Variants in SPIRE2 observed in about 807,000 individuals in gnomAD.
SPIRE2 encodes protein spire homolog 2.
SPIRE2 carries 76 observed loss-of-function variants against 80.7 expected under a neutral mutation model. That is an observed-to-expected ratio of 0.94 (90% CI 0.78 to 1.14). The LOEUF is 1.14. SPIRE2 is among the 50% of genes most tolerant of loss of function. SPIRE2 has a pLI of 0.00. For synonymous variants in SPIRE2, 535 were observed against 432.6 expected, an observed-to-expected ratio of 1.24 and a Z score of -2.94; for missense variants, 1,196 against 1,015.3, an observed-to-expected ratio of 1.18 and a Z score of -2.42.
chr16:89,862,033 T>C (rs990238667), intron 10 of SPIRE2: 2 of 149,834 alleles, frequency 1.3e-5, no homozygotes, highest in African/African-American at 5.0e-5. Context: ...GACAAGAGTC[T>C]GGCTCTGTCG....
At position 89,828,555 on chromosome 16, in the gene SPIRE2, C is replaced by G; in HGVS notation, c.5C>G (p.Ala2Gly). 13 of 1,125,430 alleles carry G rather than the reference C, an allele frequency of 1.2e-5. No homozygotes were observed. The highest frequency in any genetic ancestry group is 1.4e-5 in the Non-Finnish European group (13 of 924,296). The allele number at this position is 1,125,430 out of a possible 1,614,324, so 69.7% of individuals were successfully genotyped here. A position where few individuals can be genotyped will look rare whatever the true frequency, so the allele number is the denominator to read the frequency against. Residue 2 changes from alanine (A) to glycine (G), a missense_variant, in exon 1 of 15, where the codon GCC becomes GGC. By Grantham distance (60) the Ala-to-Gly change is moderately conservative (BLOSUM62 0). Coordinates refer to ENST00000378247, the MANE Select transcript of SPIRE2 (RefSeq NM_032451.2). The surrounding 1 kb of genome is among the most constrained non-coding windows in gnomAD (Gnocchi z 5.9). The part of the protein sequence containing the change: M[A>G]RAGSCGGAAA... ...GGAGGCGATGACGGCCCCGCCATGG[C>G]CCGGGCGGGCAGCTGCGGCGGCGCC...
rs1179428409 is a variant in SPIRE2 at position 89,869,051 on chromosome 16, A to AT, written c.1807-516_1807-515insT. On this transcript the variant is annotated intron_variant, in intron 13 of 14. Transcript: ENST00000378247. ...TGTCTTAAAAAAAAAAAAAAAAAAA[A>AT]AAATATATATATATATATATATATG... 2.3e-3 allele frequency among the ~76,000 whole-genome samples: 71 copies of AT among 30,510 alleles called. 1 individual carries two copies. The highest frequency in any genetic ancestry group is 6.6e-3 in the South Asian group (5 of 756). The allele number at this position is 30,510 out of a possible 152,430, so 20.0% of individuals were successfully genotyped here. A position where few individuals can be genotyped will look rare whatever the true frequency, so the allele number is the denominator to read the frequency against.
chr16:89,836,435 T>C (rs1362450447), intron 1 of SPIRE2: 1 of 330,178 alleles, frequency 3.0e-6, no homozygotes, highest in Admixed American at 3.8e-5. Flanking sequence ...TGTCTCCAGG[T>C]ATTTCCTTGC....
rs757693699 is a variant in SPIRE2, at chr16:89,858,502, T to C, written c.1267T>C (p.Ser423Pro). ...TLAEMEEMNT[S>P]EEEESPCGEV... ...GGCTGAAATGGAAGAGATGAATACATCTGAGGTCAGAACCCATGGGGATTC... is the reference window on the plus strand; with the variant it reads ...GGCTGAAATGGAAGAGATGAATACACCTGAGGTCAGAACCCATGGGGATTC... Residue 423 changes from serine to proline, a missense_variant, in exon 8 of 15, where the codon TCT becomes CCT. Coordinates refer to ENST00000378247, the MANE Select transcript of SPIRE2 (RefSeq NM_032451.2). 2 of 1,591,294 alleles carry C rather than the reference T, an allele frequency of 1.3e-6. No individual in the cohort carries two copies. The highest frequency in any genetic ancestry group is 2.3e-5 in the South Asian group (2 of 87,524).
intron 1 of SPIRE2, among the ~76,000 whole-genome samples, chr16:89,831,473 C>T (rs2041381343): frequency 6.7e-6 from 1 of 148,826 alleles, no homozygotes; most frequent in African/African-American, 2.5e-5. Context: ...TCTCGGCTCA[C>T]TGCAAGCTTC....
intron 10 of SPIRE2, among the ~76,000 whole-genome samples, chr16:89,861,548 A>G (rs2041744859): frequency 1.3e-5 from 2 of 152,224 alleles, no homozygotes; most frequent in South Asian, 4.1e-4. Context: ...GATTAGCTAT[A>G]TATCACTGCA....
At chr16:89,844,846 G>A (rs1401671873) in intron 1 of SPIRE2, among the ~76,000 whole-genome samples, 1 of 152,196 alleles carries the variant, frequency 6.6e-6, no homozygotes, top group African/African-American at 2.4e-5. Flanking sequence ...GCATCTCAAA[G>A]TGCTGGGATT....
At chr16:89,832,620 C>A (rs2041396803) in intron 1 of SPIRE2, among the ~76,000 whole-genome samples, 1 of 152,090 alleles carries the variant, frequency 6.6e-6, no homozygotes, top group African/African-American at 2.4e-5. Context: ...CCCTCACTGT[C>A]CCTGGGCACC....
intron 8 of SPIRE2, 136 bp from the exon 9 acceptor site, chr16:89,859,029 G>C: frequency 1.3e-6 from 1 of 747,414 alleles, no homozygotes; most frequent in Non-Finnish European, 2.1e-6. Flanking sequence ...AGGCGGGCAG[G>C]CTGGGAAGTG....
chr16:89,855,987 TC>T (rs1045171710), intron 6 of SPIRE2, 125 bp from the exon 7 acceptor site: 82 of 1,471,240 alleles, frequency 5.6e-5, no homozygotes, highest in Non-Finnish European at 7.2e-5. Context: ...GGCAGGCTCT[TC>T]CGACTCCAGA....
At chr16:89,845,292 C>A (rs2041547412) in intron 1 of SPIRE2, 30 bp from the exon 2 acceptor site, 1 of 1,612,810 alleles carries the variant, frequency 6.2e-7, no homozygotes, top group South Asian at 1.1e-5. Context: ...GGGATGCTGA[C>A]AAATAACTTA....
At chr16:89,851,046 C>A (rs1367953998) in intron 3 of SPIRE2, among the ~76,000 whole-genome samples, 2 of 152,110 alleles carry the variant, frequency 1.3e-5, no homozygotes, top group African/African-American at 4.8e-5. Flanking sequence ...GTCTCGAACT[C>A]CTGACCTCAG....
At chr16:89,830,906 A>C (rs2041373254) in intron 1 of SPIRE2, among the ~76,000 whole-genome samples, 1 of 122,774 alleles carries the variant, frequency 8.1e-6, no homozygotes, top group Non-Finnish European at 1.7e-5. Flanking sequence ...ACTGCTTAGA[A>C]TCTTTTTTTT....
In SPIRE2 at chr16:89,868,360, G is replaced by C. The variant is rs370582658; in HGVS notation, c.1806+144G>C. The C allele has an allele frequency of 1.2e-5, 11 of 903,272 alleles. No homozygotes were observed. In the African/African-American group the frequency reaches 1.9e-4, roughly 15 times the overall value. 56.0% of individuals were successfully genotyped at this position (903,272 alleles called of 1,614,324 possible). A position where few individuals can be genotyped will look rare whatever the true frequency, so the allele number is the denominator to read the frequency against. ...CAGAATCCATTCCTATACTTTCCAA[G>C]ATAGTGTGCAGTTTTTAAAGACCCT... On this transcript the variant is annotated intron_variant, in intron 13 of 14. Coordinates refer to ENST00000378247, the MANE Select transcript of SPIRE2 (RefSeq NM_032451.2).
chr16:89,860,701 T>C lies in SPIRE2; in HGVS notation c.1481T>C (p.Val494Ala), dbSNP rs780648017. The change falls in exon 10 of 15, where the codon GTC (valine) becomes GCC (alanine). Residue 494 changes from valine to alanine, a missense_variant. By Grantham distance (64) the Val-to-Ala change is moderately conservative. Coordinates refer to ENST00000378247, the MANE Select transcript of SPIRE2 (RefSeq NM_032451.2). ...SRDQGTCPAS[V>A]SDPSHPLLSN... ...CCCCCAGGTACCTGTCCCGCGAGTG[T>C]CTCTGACCCCAGCCACCCCCTACTC... is the stretch of plus-strand genomic sequence containing the variant. The C allele has an allele frequency of 6.9e-6, 11 of 1,592,860 alleles. No individual in the cohort carries two copies. In the South Asian group the frequency reaches 9.1e-5, roughly 13 times the overall value.
At chr16:89,829,139 C>G (rs1036554389) in intron 1 of SPIRE2, among the ~76,000 whole-genome samples, 5 of 152,190 alleles carry the variant, frequency 3.3e-5, no homozygotes, top group African/African-American at 1.2e-4. Flanking sequence ...ACGGAGCTGG[C>G]CTTTGCTGGG....
At position 89,850,622 on chromosome 16, in the gene SPIRE2, C is replaced by T. The variant is rs4785732; in HGVS notation, c.607C>T (p.Leu203=). The change falls in exon 3 of 15, where the codon CTG becomes TTG. Residue 203 remains leucine (L), a synonymous_variant. Transcript: ENST00000378247. ...CRALFVETLE[L]RAFLARVREA... ...CGCGCTCTTCGTGGAGACGCTGGAG[C>T]TGCGGGCCTTCCTGGCCAGGGTCCG... The T allele has an allele frequency of 4.0e-6, 6 of 1,501,306 alleles. No individual in the cohort carries two copies. Among genetic ancestry groups the T allele is most frequent in the Non-Finnish European group, 5.3e-6 (6 of 1,130,130 alleles). 93.0% of individuals were successfully genotyped at this position (1,501,306 alleles called of 1,614,324 possible).
Position 89,854,507 on chromosome 16 carries a change from C to T in SPIRE2, c.747C>T (p.Leu249=), listed in dbSNP as rs2041668854. The change falls in exon 5 of 15, where the codon CTC becomes CTT. Residue 249 remains leucine, a synonymous_variant. Coordinates refer to ENST00000378247, the MANE Select transcript of SPIRE2 (RefSeq NM_032451.2). The stretch of plus-strand genomic sequence containing the variant: ...CCCAGGCCCGACTGTGGGTTCAGCT[C>T]ATGCGGGAGCTCCGCCGCGGAGTGA... ...HTDWARLWVQ[L]MRELRRGVKL... 2 of 1,612,482 alleles carry T rather than the reference C, an allele frequency of 1.2e-6. No homozygotes were observed. The highest frequency in any genetic ancestry group is 1.3e-5 in the African/African-American group (1 of 74,926).
At chr16:89,849,955 A>G (rs2143804009) in intron 2 of SPIRE2, 3 of 387,580 alleles carry the variant, frequency 7.7e-6, no homozygotes, top group Non-Finnish European at 1.5e-5. Context: ...CTCCTGCCTC[A>G]GCCTCCCAAG....
Sources: gnomAD v4.1 joint callset for allele counts (sites outside exome capture counted in the v4.1 genomes callset) on GRCh38, gnomAD v4.1.1 for gene constraint, Gnocchi (gnomAD v3.1) non-coding constraint, MANE v1.5 for transcripts, NCBI Gene and HGNC (gene_info 2026-07-23, HGNC 2026-07-21) for gene names.